PARD3: variants seen among roughly 807,000 people sequenced by gnomAD.
The protein encoded by PARD3 is partitioning defective 3 homolog.
Under a neutral mutation model 155.4 loss-of-function variants are expected in PARD3, and 75 were observed. That is an observed-to-expected ratio of 0.48 (90% CI 0.40 to 0.58). PARD3 has a LOEUF of 0.58. PARD3 is among the 20% of genes least tolerant of loss of function. PARD3 has a pLI of 0.00. For missense variants in PARD3, 1,642 were observed against 1,721.7 expected (o/e 0.95, Z 0.82); for synonymous variants, 576 against 610.5 (o/e 0.94, Z 0.83).
chr10:34,389,722 T>C (rs576419585), intron 7 of PARD3, among the ~76,000 whole-genome samples: 2 of 151,930 alleles, frequency 1.3e-5, no homozygotes, highest in South Asian at 2.1e-4. Flanking sequence ...GTACAGCCCA[T>C]GGGGGGCCAG....
chr10:34,737,179 C>T (rs953750395), intron 1 of PARD3, among the ~76,000 whole-genome samples: 13 of 152,136 alleles, frequency 8.5e-5, no homozygotes, highest in South Asian at 2.1e-4. Context: ...CCCAAGAATA[C>T]GGGGTGTTTA....
At chr10:34,284,305 G>A (rs1170172697) in intron 20 of PARD3, 60 bp from the exon 21 acceptor site, 9 of 1,008,344 alleles carry the variant, frequency 8.9e-6, no homozygotes, top group Non-Finnish European at 1.4e-5. Flanking sequence ...TCTTTTGTTT[G>A]TGGTAATGAC....
intron 20 of PARD3, among the ~76,000 whole-genome samples, chr10:34,311,348 G>C (rs1046020391): frequency 6.6e-6 from 1 of 152,152 alleles, no homozygotes; most frequent in Non-Finnish European, 1.5e-5. Flanking sequence ...AATTACAGGT[G>C]TGAGCCAATG....
Position 34,608,295 on chromosome 10 carries a change from G to A in PARD3, c.222+88023C>T, listed in dbSNP as rs926802510. On this transcript the variant is annotated intron_variant, in intron 2 of 24. Transcript: ENST00000374788. ...CCTCGCTCTTCCACAATTACTACCC[G>A]CACCCATAGATTCTTGACAACGTAT... is the stretch of plus-strand genomic sequence containing the variant. Among the ~76,000 whole-genome samples the A allele has an allele frequency of 1.2e-4, 18 of 152,030 alleles. No homozygotes were observed. The East Asian group carries it at 2.3e-3, about 20-fold the overall frequency.
At chr10:34,620,830 C>T (rs2132707469) in intron 2 of PARD3, among the ~76,000 whole-genome samples, 1 of 152,310 alleles carries the variant, frequency 6.6e-6, no homozygotes. Context: ...AGCACCCATT[C>T]CTTAGAATAG....
Position 34,666,777 on chromosome 10 carries a change from T to TAAAAA in PARD3, c.222+29536_222+29540dup, listed in dbSNP as rs771593408. Among the ~76,000 whole-genome samples, 29 of 17,048 alleles carry TAAAAA rather than the reference T, an allele frequency of 1.7e-3. 3 individuals carry two copies. The highest frequency in any genetic ancestry group is 3.1e-3 in the African/African-American group (22 of 7,038). 11.2% of individuals were successfully genotyped at this position (17,048 alleles called of 152,430 possible). ...CTTCCACCTCACCTACCCCTCCCCC[T>TAAAAA]AAAAAAAAAAAAAAAAAAAATATAT... is the stretch of plus-strand genomic sequence containing the variant. On this transcript the variant is annotated intron_variant, in intron 2 of 24. Coordinates refer to ENST00000374788, the MANE Select transcript of PARD3 (RefSeq NM_001184785.2).
At chr10:34,751,599 A>G (rs1419656089) in intron 1 of PARD3, among the ~76,000 whole-genome samples, 1 of 152,044 alleles carries the variant, frequency 6.6e-6, no homozygotes, top group Non-Finnish European at 1.5e-5. Context: ...CTAAGTCCCA[A>G]TTAAACCTTT....
intron 22 of PARD3, among the ~76,000 whole-genome samples, chr10:34,203,193 G>C (rs71487353): frequency 0.028 from 4,193 of 152,226 alleles, 89 homozygotes; most frequent in Non-Finnish European, 0.041. Context: ...AGAGAGCTCT[G>C]TTTCTATTTG....
chr10:34,439,125 T>C (rs2076335207), intron 5 of PARD3, among the ~76,000 whole-genome samples: 1 of 152,152 alleles, frequency 6.6e-6, no homozygotes, highest in Non-Finnish European at 1.5e-5. Flanking sequence ...GGAGACAGGA[T>C]GAGAGTGAAA....
At chr10:34,401,366 A>G (rs777735812) in intron 6 of PARD3, among the ~76,000 whole-genome samples, 1 of 152,188 alleles carries the variant, frequency 6.6e-6, no homozygotes, top group Non-Finnish European at 1.5e-5. Flanking sequence ...TTCTTCAAAC[A>G]ACAATAAATA....
intron 1 of PARD3, among the ~76,000 whole-genome samples, chr10:34,799,638 A>G (rs1406683139): frequency 6.6e-6 from 1 of 152,194 alleles, no homozygotes; most frequent in Non-Finnish European, 1.5e-5. Context: ...TAAAATGCAC[A>G]TCAGTTTGTC....
At chr10:34,505,545 C>T (rs180740569) in intron 3 of PARD3, among the ~76,000 whole-genome samples, 51 of 152,256 alleles carry the variant, frequency 3.3e-4, no homozygotes, top group Non-Finnish European at 5.9e-4. Context: ...CTGTGACTCA[C>T]GCCATCCTAA....
At chr10:34,540,197 A>G (rs1257259601) in intron 2 of PARD3, among the ~76,000 whole-genome samples, 1 of 152,184 alleles carries the variant, frequency 6.6e-6, no homozygotes, top group Non-Finnish European at 1.5e-5. Flanking sequence ...AACAGCACGC[A>G]TTAGAGCAGG....
At chr10:34,615,165 G>A (rs1443323404) in intron 2 of PARD3, among the ~76,000 whole-genome samples, 1 of 152,082 alleles carries the variant, frequency 6.6e-6, no homozygotes, top group Non-Finnish European at 1.5e-5. Context: ...TGGGCAGCCT[G>A]GGTGGCAGAG....
chr10:34,626,543 ACT>A (rs1333838888), intron 2 of PARD3, among the ~76,000 whole-genome samples: 1 of 152,138 alleles, frequency 6.6e-6, no homozygotes, highest in Admixed American at 6.5e-5. Context: ...TTAACTCATA[ACT>A]CTACATTTTG....
chr10:34,476,968 A>G (rs530292907), intron 3 of PARD3, among the ~76,000 whole-genome samples: 1 of 152,330 alleles, frequency 6.6e-6, no homozygotes, highest in Admixed American at 6.5e-5. Flanking sequence ...GATTCATCTA[A>G]AAGTTCACCT....
chr10:34,148,763 G>A (rs908145248), intron 22 of PARD3, among the ~76,000 whole-genome samples: 4 of 144,208 alleles, frequency 2.8e-5, no homozygotes, highest in East Asian at 1.9e-4. Flanking sequence ...CAGTTAAGGT[G>A]TTAATTCTCT....
intron 2 of PARD3, among the ~76,000 whole-genome samples, chr10:34,663,294 T>G (rs942908213): frequency 1.3e-5 from 2 of 151,972 alleles, no homozygotes; most frequent in Non-Finnish European, 2.9e-5. Context: ...CAAAGCCCCA[T>G]CTCTACTAAA....
intron 18 of PARD3, among the ~76,000 whole-genome samples, chr10:34,333,146 T>G (rs571752476): frequency 4.6e-5 from 7 of 152,276 alleles, no homozygotes; most frequent in African/African-American, 1.7e-4. Context: ...TATGTGTATG[T>G]GTGTATGTAT....
Sources: gnomAD v4.1 joint callset for allele counts (sites outside exome capture counted in the v4.1 genomes callset) on GRCh38, gnomAD v4.1.1 for gene constraint, MANE v1.5 for transcripts, NCBI Gene and HGNC (gene_info 2026-07-23, HGNC 2026-07-21) for gene names.